The following FAM13A variants were observed in gnomAD, a reference collection of about 807,000 sequenced individuals.
The protein encoded by FAM13A is protein FAM13A.
Under a neutral mutation model 129.6 loss-of-function variants are expected in FAM13A, and 76 were observed. That is an observed-to-expected ratio of 0.59 (90% CI 0.49 to 0.71). The LOEUF is 0.71. Ranked by LOEUF, FAM13A falls within the 30% of genes least tolerant of loss-of-function variation. The pLI, the probability that FAM13A is intolerant of heterozygous loss-of-function variation, is 0.00. For synonymous variants in FAM13A, 443 were observed against 449.9 expected (o/e 0.98, Z 0.20); for missense variants, 1,108 against 1,249.3 (o/e 0.89, Z 1.70).
chr4:89,045,471 A>G (rs895488130), intron 1 of FAM13A, among the ~76,000 whole-genome samples: 1 of 152,264 alleles, frequency 6.6e-6, no homozygotes, highest in African/African-American at 2.4e-5. Flanking sequence ...GAATATTTAA[A>G]GACATAATTC....
intron 4 of FAM13A, among the ~76,000 whole-genome samples, chr4:88,987,808 C>T (rs926356120): frequency 3.2e-5 from 4 of 123,534 alleles, no homozygotes; most frequent in Admixed American, 2.0e-4. Context: ...CGCCACTGCA[C>T]TCCAGCCTGG....
chr4:88,748,320 G>A (rs1053273423), intron 17 of FAM13A, among the ~76,000 whole-genome samples: 1 of 152,152 alleles, frequency 6.6e-6, no homozygotes, highest in African/African-American at 2.4e-5. Context: ...TAAAACCTGA[G>A]AGAATGGTAA....
intron 8 of FAM13A, among the ~76,000 whole-genome samples, chr4:88,800,553 C>T (rs909700487): frequency 1.6e-4 from 25 of 151,610 alleles, no homozygotes; most frequent in Middle Eastern, 3.4e-3. Context: ...GGTGTAGTGG[C>T]GGGTGCCTGT....
intron 7 of FAM13A, among the ~76,000 whole-genome samples, chr4:88,821,472 A>AT (rs1346292910): frequency 2.0e-5 from 3 of 152,224 alleles, no homozygotes; most frequent in Admixed American, 6.5e-5. Context: ...TGATGGTTTT[A>AT]TTTTAGCTTT....
intron 15 of FAM13A, 98 bp downstream of exon 15, chr4:88,750,326 G>A (rs1578482508): frequency 5.1e-6 from 5 of 984,566 alleles, no homozygotes; most frequent in South Asian, 1.5e-5. Context: ...ATAGGCTCAC[G>A]ACTTAATTAA....
intron 9 of FAM13A, among the ~76,000 whole-genome samples, chr4:88,789,118 G>C (rs1724586792): frequency 6.6e-6 from 1 of 152,114 alleles, no homozygotes. Context: ...CATTACATCA[G>C]AGGTGGCTTC....
In FAM13A at chr4:88,961,347, C is replaced by CCT. The variant is rs1758576746; in HGVS notation, c.606-23107_606-23106insAG. On this transcript the variant is annotated intron_variant, in intron 4 of 23. Coordinates refer to ENST00000264344, the MANE Select transcript of FAM13A (RefSeq NM_014883.4). ...AAATCCTCAGCTTTGTGGAATTTGC[C>CCT]TTTTTTTTTTTTTTTTTTTTTTTTT... 1.6e-4 allele frequency among the ~76,000 whole-genome samples: 9 copies of CCT among 55,424 alleles called. 1 individual carries two copies. Among genetic ancestry groups the CCT allele is most frequent in the Non-Finnish European group, 2.4e-4 (7 of 29,396 alleles). 36.4% of individuals were successfully genotyped at this position (55,424 alleles called of 152,430 possible). A position where few individuals can be genotyped will look rare whatever the true frequency, so the allele number is the denominator to read the frequency against.
intron 2 of FAM13A, among the ~76,000 whole-genome samples, chr4:89,028,986 C>G (rs944251185): frequency 6.6e-6 from 1 of 152,138 alleles, no homozygotes; most frequent in African/African-American, 2.4e-5. Context: ...AACCACCCCC[C>G]ACCACTCCGC....
At chr4:88,892,719 C>T (rs559902401) in intron 6 of FAM13A, among the ~76,000 whole-genome samples, 2 of 152,192 alleles carry the variant, frequency 1.3e-5, no homozygotes, top group South Asian at 4.1e-4. Context: ...GCTATCACCG[C>T]TTTTACCTAA....
chr4:88,794,599 G>A (rs142824222), intron 8 of FAM13A, among the ~76,000 whole-genome samples: 6 of 151,828 alleles, frequency 4.0e-5, no homozygotes, highest in Non-Finnish European at 7.4e-5. Context: ...TTTTCTGTGC[G>A]TTGTCTTATT....
At chr4:88,850,947 C>T in intron 7 of FAM13A, 73 bp downstream of exon 7, 1 of 1,341,746 alleles carries the variant, frequency 7.5e-7, no homozygotes, top group Admixed American at 1.7e-5. Flanking sequence ...TGCAGAAATA[C>T]CTACATATGC....
chr4:88,814,259 T>G (rs1730237513), intron 7 of FAM13A, among the ~76,000 whole-genome samples: 1 of 152,202 alleles, frequency 6.6e-6, no homozygotes, highest in African/African-American at 2.4e-5. Flanking sequence ...GCCCTTCCAC[T>G]CTGAAGCACT....
At chr4:88,965,388 C>T (rs910125359) in intron 4 of FAM13A, among the ~76,000 whole-genome samples, 2 of 152,262 alleles carry the variant, frequency 1.3e-5, no homozygotes, top group African/African-American at 2.4e-5. Flanking sequence ...AAATGTTCTT[C>T]TTTACATTAC....
chr4:88,887,243 T>A (rs1183923606), intron 6 of FAM13A, among the ~76,000 whole-genome samples: 1 of 152,124 alleles, frequency 6.6e-6, no homozygotes, highest in African/African-American at 2.4e-5. Context: ...AAAGAACTTG[T>A]TCATGTAACC....
chr4:88,959,910 C>A (rs1242478059), intron 4 of FAM13A, among the ~76,000 whole-genome samples: 1 of 152,174 alleles, frequency 6.6e-6, no homozygotes, highest in Non-Finnish European at 1.5e-5. Context: ...CAAATTCAAA[C>A]CCATGCACTC....
intron 15 of FAM13A, 102 bp from the exon 16 acceptor site, chr4:88,750,011 TG>T: frequency 5.5e-6 from 7 of 1,264,018 alleles, no homozygotes; most frequent in Non-Finnish European, 7.8e-6. Flanking sequence ...GGTGGTGGGG[TG>T]GGGGCAGTGC....
chr4:88,990,839 C>G (rs1376233697), intron 4 of FAM13A, 134 bp downstream of exon 4: 2 of 617,538 alleles, frequency 3.2e-6, no homozygotes, highest in Non-Finnish European at 2.7e-6. Context: ...TGCCCAAGAA[C>G]AAGATACAAC....
At chr4:88,852,392 C>T (rs1737730156) in intron 6 of FAM13A, among the ~76,000 whole-genome samples, 1 of 152,242 alleles carries the variant, frequency 6.6e-6, no homozygotes, top group African/African-American at 2.4e-5. Context: ...AAACTCCTGA[C>T]TTCAAGTTAT....
intron 4 of FAM13A, among the ~76,000 whole-genome samples, chr4:88,984,929 C>A (rs1459739038): frequency 6.6e-6 from 1 of 152,152 alleles, no homozygotes; most frequent in African/African-American, 2.4e-5. Context: ...AACAATTCTA[C>A]TCCTAGTTAT....
Sources: gnomAD v4.1 joint callset for allele counts (sites outside exome capture counted in the v4.1 genomes callset) on GRCh38, gnomAD v4.1.1 for gene constraint, MANE v1.5 for transcripts, NCBI Gene and HGNC (gene_info 2026-07-23, HGNC 2026-07-21) for gene names.